The following C7orf78 variants were observed in gnomAD, a reference collection of about 807,000 sequenced individuals.
C7orf78 encodes chromosome 7 open reading frame 78.
At chr7:12,540,147 G>T in the C7orf78 span, among the ~76,000 whole-genome samples, 1 of 152,138 alleles carries the variant, frequency 6.6e-6, no homozygotes, top group African/African-American at 2.4e-5. Context: ...TTGGTTTGAA[G>T]GAACCAACCT....
At chr7:12,499,550 C>A in the C7orf78 span, among the ~76,000 whole-genome samples, 2 of 148,706 alleles carry the variant, frequency 1.3e-5, no homozygotes, top group Admixed American at 6.7e-5. Flanking sequence ...TATATATGCA[C>A]CCAATACAGG....
the C7orf78 span, chr7:12,491,901 T>G: frequency 6.6e-6 from 1 of 152,210 alleles, no homozygotes; most frequent in Non-Finnish European, 1.5e-5. Flanking sequence ...CTGAAGGACA[T>G]AATGGCAGCA....
chr7:12,496,227 G>A, the C7orf78 span, among the ~76,000 whole-genome samples: 4 of 152,146 alleles, frequency 2.6e-5, no homozygotes, highest in Non-Finnish European at 5.9e-5. Flanking sequence ...GTCTGGCTGA[G>A]AAACTCAAAA....
the C7orf78 span, among the ~76,000 whole-genome samples, chr7:12,533,445 C>T: frequency 6.6e-6 from 1 of 151,922 alleles, no homozygotes; most frequent in East Asian, 1.9e-4. Context: ...AGGTGATCAA[C>T]CTGCCTCAGC....
At chr7:12,509,214 C>T in the C7orf78 span, among the ~76,000 whole-genome samples, 1 of 151,820 alleles carries the variant, frequency 6.6e-6, no homozygotes, top group Non-Finnish European at 1.5e-5. Flanking sequence ...ATGTTTGGAA[C>T]TATATGAATG....
the C7orf78 span, among the ~76,000 whole-genome samples, chr7:12,527,930 T>A: frequency 1.1e-3 from 157 of 148,522 alleles, 1 homozygote; most frequent in Non-Finnish European, 1.8e-3. Context: ...TGATAGAAAA[T>A]GCCATCTAGC....
the C7orf78 span, chr7:12,531,090 C>G: frequency 2.5e-6 from 1 of 398,320 alleles, no homozygotes; most frequent in Non-Finnish European, 4.4e-6. Flanking sequence ...TATGCAAGAG[C>G]AGGTGGGCAA....
chr7:12,525,523 G>T, the C7orf78 span, among the ~76,000 whole-genome samples: 1 of 152,038 alleles, frequency 6.6e-6, no homozygotes, highest in African/African-American at 2.4e-5. Flanking sequence ...TCTAAATTTT[G>T]AATAGACTCC....
At chr7:12,494,367 C>T in the C7orf78 span, among the ~76,000 whole-genome samples, 1 of 152,140 alleles carries the variant, frequency 6.6e-6, no homozygotes, top group Non-Finnish European at 1.5e-5. Context: ...ATCACTCCCA[C>T]TTAGTCAAGG....
the C7orf78 span, among the ~76,000 whole-genome samples, chr7:12,532,899 T>C: frequency 1.3e-5 from 2 of 152,094 alleles, no homozygotes; most frequent in Non-Finnish European, 2.9e-5. Flanking sequence ...CAGATGAATA[T>C]AAAAAGAGTA....
At chr7:12,507,013 C>G in the C7orf78 span, 6 of 449,290 alleles carry the variant, frequency 1.3e-5, no homozygotes, top group Admixed American at 1.2e-4. Context: ...CAAAAAAAAG[C>G]TAGAAAAGGG....
At chr7:12,503,342 G>C in the C7orf78 span, among the ~76,000 whole-genome samples, 4 of 151,940 alleles carry the variant, frequency 2.6e-5, no homozygotes, top group Non-Finnish European at 5.9e-5. Context: ...CCAATGAATT[G>C]ATGTTCATTT....
chr7:12,527,922 A>G, the C7orf78 span, among the ~76,000 whole-genome samples: 32 of 134,764 alleles, frequency 2.4e-4, no homozygotes, highest in Admixed American at 3.0e-4. Flanking sequence ...ACTCACTTTG[A>G]TAGAAAATGC....
the C7orf78 span, among the ~76,000 whole-genome samples, chr7:12,498,959 C>G: frequency 6.6e-6 from 1 of 151,902 alleles, no homozygotes; most frequent in African/African-American, 2.4e-5. Flanking sequence ...AATTTTCAAC[C>G]CAGAATTTCA....
chr7:12,493,214 C>G, the C7orf78 span, among the ~76,000 whole-genome samples: 2 of 152,040 alleles, frequency 1.3e-5, no homozygotes, highest in Non-Finnish European at 2.9e-5. Flanking sequence ...GTAAATAAAT[C>G]TATAAAATCC....
chr7:12,496,874 C>T, the C7orf78 span, among the ~76,000 whole-genome samples: 2 of 152,166 alleles, frequency 1.3e-5, no homozygotes, highest in Admixed American at 6.5e-5. Flanking sequence ...GTCAATTCAA[C>T]TTTACTGCCG....
At chr7:12,495,802 C>G in the C7orf78 span, among the ~76,000 whole-genome samples, 1 of 152,032 alleles carries the variant, frequency 6.6e-6, no homozygotes, top group Non-Finnish European at 1.5e-5. Context: ...ATATGTAATT[C>G]AAATAACTTA....
the C7orf78 span, among the ~76,000 whole-genome samples, chr7:12,488,246 T>A: frequency 2.6e-5 from 4 of 152,098 alleles, no homozygotes; most frequent in African/African-American, 9.6e-5. Context: ...ATTTGGCCAC[T>A]GCCTTTCCCA....
At chr7:12,523,331 C>A in the C7orf78 span, 1 of 398,262 alleles carries the variant, frequency 2.5e-6, no homozygotes, top group East Asian at 3.6e-5. Flanking sequence ...TACATTTCCA[C>A]ATCTGGATTT....
Sources: allele counts gnomAD v4.1 joint callset (sites outside exome capture counted in the v4.1 genomes callset), GRCh38; gene constraint gnomAD v4.1.1; transcripts MANE v1.5; gene names NCBI Gene and HGNC (gene_info 2026-07-23, HGNC 2026-07-21).